The following DAAM2 variants were observed in gnomAD, a reference collection of about 807,000 sequenced individuals.
DAAM2 encodes the protein disheveled-associated activator of morphogenesis 2.
In DAAM2, 39 loss-of-function variants were observed where a neutral mutation model predicts 120.7. The ratio of observed to expected loss-of-function variants is 0.32; its 90% CI spans 0.25 to 0.42. The LOEUF (loss-of-function observed/expected upper bound fraction) is 0.42, where lower values mean the gene tolerates loss of function less well. Ranked by LOEUF, DAAM2 falls within the 10% of genes least tolerant of loss-of-function variation. The probability of loss-of-function intolerance (pLI) is 1.00; values close to 1 mark genes in which losing one functional copy is unlikely to be tolerated. For missense variants in DAAM2, 1,283 were observed against 1,401.7 expected, an observed-to-expected ratio of 0.92 and a Z score of 1.35; for synonymous variants, 488 against 524.9, an observed-to-expected ratio of 0.93 and a Z score of 0.96.
At chr6:39,807,127 C>T (rs567703627) in intron 1 of DAAM2, among the ~76,000 whole-genome samples, 1 of 150,820 alleles carries the variant, frequency 6.6e-6, no homozygotes, top group South Asian at 2.1e-4. Context: ...CATTATCAAC[C>T]AGAAGACTGG....
Position 39,878,732 on chromosome 6 carries a change from C to T in DAAM2, c.1545+144C>T, listed in dbSNP as rs1249779858. On this transcript the variant is annotated intron_variant, in intron 13 of 24. Transcript: ENST00000274867. This position sits in a 1 kb window ranked among gnomAD's most constrained non-coding sequence, Gnocchi z 5.0. The stretch of plus-strand genomic sequence containing the variant: ...GACCTTGGGCCAGGATAGAAGAGAC[C>T]CTTGAGGCTGTACAGGTGGCATCTT... The T allele has an allele frequency of 6.1e-6, 5 of 820,246 alleles. No individual in the cohort carries two copies. The African/African-American group carries it at 8.7e-5, about 14-fold the overall frequency. 50.8% of individuals were successfully genotyped at this position (820,246 alleles called of 1,614,324 possible). A position where few individuals can be genotyped will look rare whatever the true frequency, so the allele number is the denominator to read the frequency against.
At chr6:39,828,558 A>AC in intron 1 of DAAM2, among the ~76,000 whole-genome samples, 1 of 128,666 alleles carries the variant, frequency 7.8e-6, no homozygotes. Flanking sequence ...AATTCCCTCC[A>AC]CCCCCCTCCG....
chr6:39,840,579 G>A (rs974381028), intron 1 of DAAM2, among the ~76,000 whole-genome samples: 22 of 152,160 alleles, frequency 1.4e-4, no homozygotes, highest in Middle Eastern at 6.8e-3. Flanking sequence ...AATGTAGATC[G>A]TTGGAAATAT....
intron 1 of DAAM2, among the ~76,000 whole-genome samples, chr6:39,828,581 T>TTTTTTTTTTTGG (rs1372409752): frequency 6.6e-6 from 1 of 151,386 alleles, no homozygotes; most frequent in Admixed American, 6.6e-5. Flanking sequence ...TTTTTTTTTT[T>TTTTTTTTTTTGG]GAGACGGATT....
At chr6:39,898,017 A>C (rs1766224166) in intron 21 of DAAM2, among the ~76,000 whole-genome samples, 1 of 152,200 alleles carries the variant, frequency 6.6e-6, no homozygotes, top group Non-Finnish European at 1.5e-5. Flanking sequence ...AACCAAACAA[A>C]GACAATTTGC....
chr6:39,903,536 G>C lies in DAAM2; in HGVS notation c.*1499G>C, dbSNP rs1266872761. On this transcript the variant is annotated 3_prime_UTR_variant, in exon 25 of 25. Coordinates refer to ENST00000274867, the MANE Select transcript of DAAM2 (RefSeq NM_001201427.2). ...CTTATTCAATACCACGTTCCGAGTT[G>C]GCCTTTCATCTTCTTTGAGACTGGC... 2 of 152,358 alleles carry C rather than the reference G, an allele frequency of 1.3e-5. No individual in the cohort carries two copies. The highest frequency in any genetic ancestry group is 2.9e-5 in the Non-Finnish European group (2 of 68,198). The allele number at this position is 152,358 out of a possible 1,614,324, so 9.4% of individuals were successfully genotyped here.
At chr6:39,891,776 G>T in intron 19 of DAAM2, 54 bp downstream of exon 19, 3 of 1,449,318 alleles carry the variant, frequency 2.1e-6, no homozygotes, top group Non-Finnish European at 1.9e-6. Context: ...GAGAAAGGCA[G>T]GGTGGGTGGG....
At chr6:39,848,815 G>C (rs1187442002) in intron 1 of DAAM2, 1 of 152,184 alleles carries the variant, frequency 6.6e-6, no homozygotes, top group Non-Finnish European at 1.5e-5. Context: ...ATTGTTCAGG[G>C]CAGCAGTGGT....
chr6:39,875,540 C>G (rs949712506), intron 11 of DAAM2, 72 bp downstream of exon 11: 1 of 1,539,990 alleles, frequency 6.5e-7, no homozygotes. Flanking sequence ...GTCTCACCAG[C>G]GAAACCTCAG....
In DAAM2 at chr6:39,831,944, G is replaced by A. The variant is rs1473311478; in HGVS notation, c.-56-24303G>A. ...GGGCAGATGCAGTGCGAGGGCCGGGGCACTGGAGGGTAGGTGCACTGGGGG... is the reference window on the plus strand; with the variant it reads ...GGGCAGATGCAGTGCGAGGGCCGGGACACTGGAGGGTAGGTGCACTGGGGG... On this transcript the variant is annotated intron_variant, in intron 1 of 24. Coordinates refer to ENST00000274867, the MANE Select transcript of DAAM2 (RefSeq NM_001201427.2). 6.3e-5 allele frequency among the ~76,000 whole-genome samples: 7 copies of A among 111,976 alleles called. No homozygotes were observed. The East Asian group carries it at 2.4e-3, about 38-fold the overall frequency. The allele number at this position is 111,976 out of a possible 152,430, so 73.5% of individuals were successfully genotyped here. A position where few individuals can be genotyped will look rare whatever the true frequency, so the allele number is the denominator to read the frequency against.
chr6:39,829,197 C>T (rs555459936), intron 1 of DAAM2, among the ~76,000 whole-genome samples: 1 of 152,312 alleles, frequency 6.6e-6, no homozygotes, highest in South Asian at 2.1e-4. Context: ...TTGTTGATGG[C>T]AGGGGCCTGG....
rs190044054 is a variant in DAAM2, at chr6:39,819,273, G to T, written c.-57+26808G>T. 854 of 152,252 alleles carry T rather than the reference G, an allele frequency of 5.6e-3. 67 individuals are homozygous for T. The South Asian group carries it at 0.15, about 26-fold the overall frequency. 9.4% of individuals were successfully genotyped at this position (152,252 alleles called of 1,614,324 possible). A position where few individuals can be genotyped will look rare whatever the true frequency, so the allele number is the denominator to read the frequency against. The stretch of plus-strand genomic sequence containing the variant: ...CTGTGGAAGGCAGGGACGGTGTAGA[G>T]TCTGGCCCAGCTGAAAATGGGCTTG... On this transcript the variant is annotated intron_variant, in intron 1 of 24. Transcript: ENST00000274867.
Position 39,891,431 on chromosome 6 carries a change from C to T in DAAM2, c.2236C>T (p.Leu746Phe), listed in dbSNP as rs1444379378. 6 of 1,607,800 alleles carry T rather than the reference C, an allele frequency of 3.7e-6. No homozygotes were observed. Among genetic ancestry groups the T allele is most frequent in the African/African-American group, 1.3e-5 (1 of 74,834 alleles). Residue 746 changes from leucine (L) to phenylalanine (F), a missense_variant, in exon 18 of 25, where the codon CTC (leucine) becomes TTC (phenylalanine). By Grantham distance (22) the Leu-to-Phe change is conservative. Coordinates refer to ENST00000274867, the MANE Select transcript of DAAM2 (RefSeq NM_001201427.2). ...IERMARADRFLYEMSRIDHYQ... is the reference protein window; with the variant it reads ...IERMARADRFFYEMSRIDHYQ... ...GCGGATGGCCCGTGCTGACCGCTTCCTCTATGAAATGAGCAGGTTGGGCCA... is the reference window on the plus strand; with the variant it reads ...GCGGATGGCCCGTGCTGACCGCTTCTTCTATGAAATGAGCAGGTTGGGCCA...
intron 1 of DAAM2, among the ~76,000 whole-genome samples, chr6:39,840,979 T>C (rs1582654374): frequency 1.1e-5 from 1 of 93,646 alleles, no homozygotes; most frequent in South Asian, 4.3e-4. Flanking sequence ...GGGGAGGGGC[T>C]CCAGGAGGAG....
chr6:39,817,433 T>G (rs1322647624), intron 1 of DAAM2, among the ~76,000 whole-genome samples: 2 of 152,110 alleles, frequency 1.3e-5, no homozygotes, highest in African/African-American at 4.8e-5. Flanking sequence ...TCTCTGCTTG[T>G]TTTAGTCCCT....
At chr6:39,804,566 G>A (rs568150387) in intron 1 of DAAM2, among the ~76,000 whole-genome samples, 4 of 150,744 alleles carry the variant, frequency 2.7e-5, no homozygotes, top group South Asian at 2.1e-4. Context: ...GCATGCATGC[G>A]CACATACACA....
At chr6:39,838,400 G>T (rs1357988602) in intron 1 of DAAM2, among the ~76,000 whole-genome samples, 4 of 152,180 alleles carry the variant, frequency 2.6e-5, no homozygotes, top group African/African-American at 9.6e-5. Context: ...GATGCTGCTG[G>T]CCCAGTGACA....
chr6:39,871,137 G>T (rs1472423194), intron 8 of DAAM2, among the ~76,000 whole-genome samples: 1 of 152,186 alleles, frequency 6.6e-6, no homozygotes, highest in Non-Finnish European at 1.5e-5. Context: ...TACATTCTTG[G>T]TTGTCACACT....
rs1265285844 is a variant in DAAM2 at position 39,904,209 on chromosome 6, T to TCAA, written c.*2174_*2176dup. ...GATCTTCAGAAAAGCAGAATTTGGT[T>TCAA]CAACTGTTGACAGAGGACACAAATA... On this transcript the variant is annotated 3_prime_UTR_variant, in exon 25 of 25. Transcript: ENST00000274867. The TCAA allele has an allele frequency of 2.2e-6, 1 of 456,740 alleles. No individual in the cohort carries two copies. The highest frequency in any genetic ancestry group is 4.4e-6 in the Non-Finnish European group (1 of 226,974). The allele number at this position is 456,740 out of a possible 1,614,324, so 28.3% of individuals were successfully genotyped here.
Sources: gnomAD v4.1 joint callset for allele counts (sites outside exome capture counted in the v4.1 genomes callset) on GRCh38, gnomAD v4.1.1 for gene constraint, Gnocchi (gnomAD v3.1) non-coding constraint, MANE v1.5 for transcripts, NCBI Gene and HGNC (gene_info 2026-07-23, HGNC 2026-07-21) for gene names.